EXOSC8: variants seen among roughly 807,000 people sequenced by gnomAD.
EXOSC8 encodes the protein exosome complex component RRP43.
EXOSC8 carries 37 observed loss-of-function variants against 39.9 expected under a neutral mutation model. The ratio of observed to expected loss-of-function variants is 0.93; its 90% confidence interval spans 0.71 to 1.22. The LOEUF is 1.22. Ranked by LOEUF, EXOSC8 falls within the 50% of genes most tolerant of loss-of-function variation. The pLI, the probability that EXOSC8 is intolerant of heterozygous loss-of-function variation, is 0.00. For synonymous variants in EXOSC8, 93 were observed against 109.5 expected, an observed-to-expected ratio of 0.85 and a Z score of 0.94; for missense variants, 313 against 326.6, an observed-to-expected ratio of 0.96 and a Z score of 0.32.
chr13:37,006,000 C>T lies in EXOSC8; in HGVS notation c.319C>T (p.Gln107Ter). 1 of 1,608,430 alleles carries T rather than the reference C, an allele frequency of 6.2e-7. No homozygotes were observed. Among genetic ancestry groups the T allele is most frequent in the East Asian group, 2.2e-5 (1 of 44,832 alleles). The change falls in exon 6 of 11, where the codon CAG becomes TAG. Residue 107 changes from glutamine to a stop codon, truncating the protein, a stop_gained. Coordinates refer to ENST00000389704, the MANE Select transcript of EXOSC8 (RefSeq NM_181503.3). LOFTEE classifies it high-confidence loss of function. ...TGGAGAAGAGGCCCAAGTGGCTAGC[C>T]AGTTCATTGCAGATGTCATTGAAAA... ...PPGEEAQVAS[Q>*]FIADVIENSQ...
In EXOSC8 at chr13:37,009,395, T is replaced by C. The variant is rs1383871993; in HGVS notation, c.*96T>C. The C allele has an allele frequency of 3.9e-6, 3 of 764,652 alleles. No homozygotes were observed. Among genetic ancestry groups the C allele is most frequent in the Non-Finnish European group, 6.4e-6 (3 of 465,420 alleles). The allele number at this position is 764,652 out of a possible 1,614,324, so 47.4% of individuals were successfully genotyped here. ...CTAAATAAATATCAAACTACATTCT[T>C]CTGAAAGATGTTTCTATTATTTCTT... On this transcript the variant is annotated 3_prime_UTR_variant, in exon 11 of 11. Coordinates refer to ENST00000389704, the MANE Select transcript of EXOSC8 (RefSeq NM_181503.3).
intron 8 of EXOSC8, among the ~76,000 whole-genome samples, chr13:37,007,823 C>A (rs2059156161): frequency 6.6e-6 from 1 of 151,746 alleles, no homozygotes; most frequent in South Asian, 2.1e-4. Flanking sequence ...AAAAAAAAAT[C>A]ATTGACTTCT....
intron 1 of EXOSC8, 82 bp downstream of exon 1, chr13:37,000,904 C>T (rs1190654717): frequency 1.4e-6 from 2 of 1,413,912 alleles, no homozygotes; most frequent in East Asian, 5.6e-5. Flanking sequence ...GATTCTCTCA[C>T]CTGGAGGCCG....
intron 4 of EXOSC8, chr13:37,004,138 C>G (rs1408293395): frequency 1.9e-5 from 3 of 160,292 alleles, no homozygotes; most frequent in African/African-American, 7.2e-5. Flanking sequence ...TCCCAAAGTG[C>G]TGGGATTACC....
intron 1 of EXOSC8, chr13:37,001,678 A>G (rs1266710551): frequency 6.6e-6 from 1 of 152,302 alleles, no homozygotes; most frequent in African/African-American, 2.4e-5. Flanking sequence ...CGTAAACAAG[A>G]TCTAGTGGCG....
chr13:37,009,304 C>A lies in EXOSC8; in HGVS notation c.*5C>A. ...AAGAGTATGAAACCCAAATAAACAGCCACCACATTTTCAAAACAGATTTGT... is the reference window on the plus strand; with the variant it reads ...AAGAGTATGAAACCCAAATAAACAGACACCACATTTTCAAAACAGATTTGT... On this transcript the variant is annotated 3_prime_UTR_variant, in exon 11 of 11. Transcript: ENST00000389704. The A allele has an allele frequency of 2.0e-6, 3 of 1,475,246 alleles. No individual in the cohort carries two copies. Among genetic ancestry groups the A allele is most frequent in the Middle Eastern group, 1.9e-4 (1 of 5,320 alleles). 91.4% of individuals were successfully genotyped at this position (1,475,246 alleles called of 1,614,324 possible). A position where few individuals can be genotyped will look rare whatever the true frequency, so the allele number is the denominator to read the frequency against.
Position 37,004,535 on chromosome 13 carries a change from C to T in EXOSC8, c.212C>T (p.Thr71Ile). The T allele has an allele frequency of 6.2e-7, 1 of 1,608,364 alleles. No individual in the cohort carries two copies. The highest frequency in any genetic ancestry group is 1.1e-5 in the South Asian group (1 of 90,532). Residue 71 changes from threonine (T) to isoleucine (I), a missense_variant, in exon 5 of 11, where the codon ACA becomes ATA. Physicochemically the swap from Thr to Ile is moderately conservative, Grantham distance 89. Coordinates refer to ENST00000389704, the MANE Select transcript of EXOSC8 (RefSeq NM_181503.3). ...GVKAEFAAPS[T>I]DAPDKGYVVP... The stretch of plus-strand genomic sequence containing the variant: ...CTATAGGAATTTGCAGCACCATCAA[C>T]AGATGCCCCTGATAAAGGATACGTT...
At position 37,008,069 on chromosome 13, in the gene EXOSC8, A is replaced by G; in HGVS notation, c.500A>G (p.Glu167Gly). 3 of 1,594,390 alleles carry G rather than the reference A, an allele frequency of 1.9e-6. No homozygotes were observed. The highest frequency in any genetic ancestry group is 2.6e-6 in the Non-Finnish European group (3 of 1,168,746). Residue 167 changes from glutamate to glycine, a missense_variant, in exon 9 of 11, where the codon GAA becomes GGA. Physicochemically the swap from Glu to Gly is moderately conservative, Grantham distance 98. Coordinates refer to ENST00000389704, the MANE Select transcript of EXOSC8 (RefSeq NM_181503.3). ...LAALKNVQLP[E>G]VTINEETALA... is the part of the protein sequence containing the mutation. ...TGCCTTTTCTTAGTACAGTTGCCTG[A>G]AGTTACTATAAATGAAGAAACTGCT... is the stretch of plus-strand genomic sequence containing the variant.
rs1260279921 is a variant in EXOSC8, at chr13:37,007,037, C to G, written c.453C>G (p.Ala151=). 12 of 1,613,342 alleles carry G rather than the reference C, an allele frequency of 7.4e-6. No homozygotes were observed. The highest frequency in any genetic ancestry group is 1.0e-5 in the Non-Finnish European group (12 of 1,179,312). The change falls in exon 8 of 11, where the codon GCC becomes GCG. Residue 151 remains alanine, a synonymous_variant. Coordinates refer to ENST00000389704, the MANE Select transcript of EXOSC8 (RefSeq NM_181503.3). ...CLDYDGNILD[A]CTFALLAALK... ...ACTACGATGGAAACATTTTGGATGC[C>G]TGCACATTTGCTTTGCTAGCGGCTT... is the stretch of plus-strand genomic sequence containing the variant.
rs748355461 is a variant in EXOSC8, at chr13:37,002,982, C to T, written c.167C>T (p.Thr56Ile). 6.2e-7 allele frequency: 1 copy of T among 1,605,248 alleles called. No homozygotes were observed. The highest frequency in any genetic ancestry group is 8.5e-7 in the Non-Finnish European group (1 of 1,172,172). ...DGSALVKLGN[T>I]TVICGVKAEF... ...TCTGCTTTAGTGAAGTTGGGAAATA[C>T]TACAGTAATCTGTGGAGTTAAAGCA... The change falls in exon 4 of 11, where the codon ACT becomes ATT. Residue 56 changes from threonine to isoleucine, a missense_variant. Transcript: ENST00000389704.
At position 37,008,872 on chromosome 13, in the gene EXOSC8, A is replaced by C. The variant is rs141376795; in HGVS notation, c.715+37A>C. 5.2e-4 allele frequency: 688 copies of C among 1,333,466 alleles called. 5 individuals are homozygous for C. The African/African-American group carries it at 8.8e-3, about 17-fold the overall frequency. The allele number at this position is 1,333,466 out of a possible 1,614,324, so 82.6% of individuals were successfully genotyped here. On this transcript the variant is annotated intron_variant, in intron 10 of 10. Transcript: ENST00000389704. ...CCACTTCAGTCCTAAACATATGTAG[A>C]TGAAAACTCAGTGTGAGCCTTAAAT...
At position 37,002,670 on chromosome 13, in the gene EXOSC8, A is replaced by C. The variant is rs1243689182; in HGVS notation, c.118+119A>C. 2.3e-5 allele frequency: 17 copies of C among 752,550 alleles called. No homozygotes were observed. In the South Asian group the frequency reaches 2.7e-4, roughly 12 times the overall value. 46.6% of individuals were successfully genotyped at this position (752,550 alleles called of 1,614,324 possible). ...AAGGATTTGATGATTTTTTTTGTCAAGAGATTTTTATCCGTACAAAAGCCC... is the reference window on the plus strand; with the variant it reads ...AAGGATTTGATGATTTTTTTTGTCACGAGATTTTTATCCGTACAAAAGCCC... On this transcript the variant is annotated intron_variant, in intron 3 of 10. Coordinates refer to ENST00000389704, the MANE Select transcript of EXOSC8 (RefSeq NM_181503.3).
At chr13:37,003,317 A>C (rs1593698343) in intron 4 of EXOSC8, 1 of 306,170 alleles carries the variant, frequency 3.3e-6, no homozygotes, top group East Asian at 8.0e-5. Flanking sequence ...GATGACATGT[A>C]ATCTGTGTAA....
At position 37,006,546 on chromosome 13, in the gene EXOSC8, T is replaced by C. The variant is rs1041276686; in HGVS notation, c.390+386T>C. Among the ~76,000 whole-genome samples, 3 of 152,172 alleles carry C rather than the reference T, an allele frequency of 2.0e-5. 1 individual carries two copies. Among genetic ancestry groups the C allele is most frequent in the Admixed American group, 2.0e-4 (3 of 15,264 alleles). ...TTTGAAAATGTAAAACTAGGTTGAT[T>C]AGAACCTAGAGAGGCTTTCCTACTA... is the stretch of plus-strand genomic sequence containing the variant. On this transcript the variant is annotated intron_variant, in intron 7 of 10. Coordinates refer to ENST00000389704, the MANE Select transcript of EXOSC8 (RefSeq NM_181503.3).
chr13:37,002,476 A>T lies in EXOSC8; in HGVS notation c.55-12A>T. On this transcript the variant is annotated splice_polypyrimidine_tract_variant and intron_variant, in intron 2 of 10. Coordinates refer to ENST00000389704, the MANE Select transcript of EXOSC8 (RefSeq NM_181503.3). ...AGGTATAATCTATTTTTATATAAAC[A>T]TATTTATTTAGAAAGAGAACTGCCG... is the stretch of plus-strand genomic sequence containing the variant. 1 of 1,519,870 alleles carries T rather than the reference A, an allele frequency of 6.6e-7. No homozygotes were observed. Among genetic ancestry groups the T allele is most frequent in the African/African-American group, 1.6e-5 (1 of 63,966 alleles). The allele number at this position is 1,519,870 out of a possible 1,614,324, so 94.1% of individuals were successfully genotyped here.
chr13:37,002,609 C>G (rs2059113977), intron 3 of EXOSC8, 58 bp downstream of exon 3: 3 of 1,181,848 alleles, frequency 2.5e-6, no homozygotes, highest in Admixed American at 2.3e-5. Flanking sequence ...AGTCTATGAA[C>G]CAGCCAAACA....
At chr13:37,002,069 A>C (rs1166741503) in intron 1 of EXOSC8, among the ~76,000 whole-genome samples, 4 of 152,208 alleles carry the variant, frequency 2.6e-5, no homozygotes, top group Non-Finnish European at 1.5e-5. Flanking sequence ...TTTAGACGCC[A>C]ATCTTCTAAT....
intron 8 of EXOSC8, among the ~76,000 whole-genome samples, chr13:37,007,380 A>G (rs1209501900): frequency 1.3e-5 from 2 of 152,180 alleles, no homozygotes; most frequent in Non-Finnish European, 2.9e-5. Flanking sequence ...CAGTATCCTC[A>G]TAGTTCTTTA....
intron 1 of EXOSC8, 43 bp downstream of exon 1, chr13:37,000,865 G>T (rs754687811): frequency 2.7e-6 from 4 of 1,473,726 alleles, no homozygotes; most frequent in Non-Finnish European, 3.6e-6. Flanking sequence ...TACCCTGGCG[G>T]ACGGCAGCTT....
Sources: gnomAD v4.1 joint callset for allele counts (sites outside exome capture counted in the v4.1 genomes callset) on GRCh38, gnomAD v4.1.1 for gene constraint, MANE v1.5 for transcripts, NCBI Gene and HGNC (gene_info 2026-07-23, HGNC 2026-07-21) for gene names.